Variants in CDH10 observed in about 807,000 individuals in gnomAD.
The protein encoded by CDH10 is cadherin-10.
CDH10 carries 30 observed loss-of-function variants against 73.1 expected under a neutral mutation model. That is an observed-to-expected ratio of 0.41 (90% CI 0.31 to 0.56). CDH10 has a LOEUF of 0.56. Ranked by LOEUF, CDH10 falls within the 20% of genes least tolerant of loss-of-function variation. The pLI, the probability that CDH10 is intolerant of heterozygous loss-of-function variation, is 0.27. For missense variants in CDH10, 815 were observed against 973.7 expected, an observed-to-expected ratio of 0.84 and a Z score of 2.17; for synonymous variants, 345 against 348.2, an observed-to-expected ratio of 0.99 and a Z score of 0.10.
chr5:24,628,640 T>A (rs1747590070), intron 1 of CDH10, among the ~76,000 whole-genome samples: 1 of 152,176 alleles, frequency 6.6e-6, no homozygotes, highest in Non-Finnish European at 1.5e-5. Context: ...GTGAAATTTT[T>A]AAATAATACC....
intron 2 of CDH10, among the ~76,000 whole-genome samples, chr5:24,569,381 T>C (rs1180516753): frequency 6.6e-6 from 1 of 152,120 alleles, no homozygotes; most frequent in Admixed American, 6.5e-5. Context: ...GTACATATTA[T>C]GCTGTGGTTG....
At chr5:24,514,828 A>T (rs115118059) in intron 5 of CDH10, among the ~76,000 whole-genome samples, 1 of 152,038 alleles carries the variant, frequency 6.6e-6, no homozygotes, top group African/African-American at 2.4e-5. Context: ...AATTTTAAAT[A>T]TAAGGAATAT....
At chr5:24,548,788 C>T (rs1176739597) in intron 2 of CDH10, among the ~76,000 whole-genome samples, 2 of 151,962 alleles carry the variant, frequency 1.3e-5, no homozygotes, top group Admixed American at 6.6e-5. Context: ...GTTCTTTATA[C>T]ATATTGTTTG....
intron 5 of CDH10, among the ~76,000 whole-genome samples, chr5:24,518,401 G>A (rs537371909): frequency 2.3e-4 from 34 of 149,838 alleles, no homozygotes; most frequent in Admixed American, 4.7e-4. Context: ...ATATATGCAC[G>A]TATACACATA....
intron 1 of CDH10, among the ~76,000 whole-genome samples, chr5:24,635,364 C>A (rs1347437883): frequency 6.6e-6 from 1 of 152,008 alleles, no homozygotes; most frequent in East Asian, 1.9e-4. Flanking sequence ...AGAAATGGCT[C>A]ATGTTTCACC....
intron 11 of CDH10, 69 bp downstream of exon 11, chr5:24,491,507 T>C (rs1173941950): frequency 1.4e-6 from 2 of 1,407,134 alleles, no homozygotes; most frequent in African/African-American, 1.4e-5. Flanking sequence ...GGGATTTTAA[T>C]AGCCACAATT....
At chr5:24,541,037 G>A (rs892281399) in intron 2 of CDH10, among the ~76,000 whole-genome samples, 1 of 151,892 alleles carries the variant, frequency 6.6e-6, no homozygotes, top group African/African-American at 2.4e-5. Context: ...GTCAAGATCT[G>A]TTCTTCCTGT....
At chr5:24,626,882 ATATATGTG>A (rs1424904082) in intron 1 of CDH10, among the ~76,000 whole-genome samples, 3 of 34,572 alleles carry the variant, frequency 8.7e-5, no homozygotes, top group South Asian at 2.4e-3. Flanking sequence ...ATAAGTGTAT[ATATATGTG>A]TATATATGTG....
intron 2 of CDH10, among the ~76,000 whole-genome samples, chr5:24,540,820 A>G (rs1402021038): frequency 6.6e-6 from 1 of 151,950 alleles, no homozygotes; most frequent in African/African-American, 2.4e-5. Flanking sequence ...TGAGGGCATG[A>G]CATTAGCCTA....
intron 5 of CDH10, among the ~76,000 whole-genome samples, chr5:24,512,604 T>A (rs1000284287): frequency 1.6e-4 from 25 of 152,132 alleles, no homozygotes; most frequent in African/African-American, 5.8e-4. Flanking sequence ...GTGAAAACAC[T>A]CAATACTGAC....
At chr5:24,603,336 C>T (rs765678809) in intron 1 of CDH10, among the ~76,000 whole-genome samples, 21 of 152,144 alleles carry the variant, frequency 1.4e-4, no homozygotes, top group Non-Finnish European at 2.2e-4. Context: ...ATGTATGTAT[C>T]ATTACTCTGA....
Position 24,518,400 on chromosome 5 carries a change from CG to C in CDH10, c.815-6887del, listed in dbSNP as rs200067796. Among the ~76,000 whole-genome samples the C allele has an allele frequency of 6.4e-3, 976 of 151,878 alleles. 8 individuals carry two copies. The highest frequency in any genetic ancestry group is 0.01 in the Middle Eastern group (3 of 290). On this transcript the variant is annotated intron_variant, in intron 5 of 11. Coordinates refer to ENST00000264463, the MANE Select transcript of CDH10 (RefSeq NM_006727.5). ...ATATACACACACACATATATATGCA[CG>C]TATACACATATTCACATATGTATAT...
intron 2 of CDH10, among the ~76,000 whole-genome samples, chr5:24,564,358 T>G (rs1187075682): frequency 6.6e-6 from 1 of 152,132 alleles, no homozygotes; most frequent in African/African-American, 2.4e-5. Flanking sequence ...ACATTACTGG[T>G]GGTGGCATTC....
chr5:24,498,069 T>C (rs1256214239), intron 9 of CDH10, among the ~76,000 whole-genome samples: 4 of 152,216 alleles, frequency 2.6e-5, no homozygotes, highest in African/African-American at 9.6e-5. Context: ...CCAGTATTTA[T>C]TTAATGACAC....
intron 5 of CDH10, among the ~76,000 whole-genome samples, chr5:24,515,765 A>G (rs1743086463): frequency 6.6e-6 from 1 of 152,042 alleles, no homozygotes. Context: ...CTCATCTTGA[A>G]TTGTAGCTCC....
At chr5:24,545,886 G>A (rs1744320140) in intron 2 of CDH10, among the ~76,000 whole-genome samples, 1 of 152,058 alleles carries the variant, frequency 6.6e-6, no homozygotes, top group Admixed American at 6.6e-5. Context: ...AAATTCAAAG[G>A]GTGGTATTTT....
intron 2 of CDH10, among the ~76,000 whole-genome samples, chr5:24,589,197 G>A (rs1746121599): frequency 6.6e-6 from 1 of 152,114 alleles, no homozygotes; most frequent in African/African-American, 2.4e-5. Context: ...GGTGTTTGGA[G>A]CCGACAAGTC....
intron 2 of CDH10, among the ~76,000 whole-genome samples, chr5:24,538,236 T>C (rs933420438): frequency 1.5e-4 from 23 of 152,264 alleles, no homozygotes; most frequent in African/African-American, 5.5e-4. Context: ...CCACAAATAT[T>C]TGTAGTACTC....
chr5:24,599,430 C>A, intron 1 of CDH10, among the ~76,000 whole-genome samples: 1 of 152,110 alleles, frequency 6.6e-6, no homozygotes. Flanking sequence ...AAAAGAGCCA[C>A]AGCTTGGAGA....
Sources: gnomAD v4.1 joint callset for allele counts (sites outside exome capture counted in the v4.1 genomes callset) on GRCh38, gnomAD v4.1.1 for gene constraint, MANE v1.5 for transcripts, NCBI Gene and HGNC (gene_info 2026-07-23, HGNC 2026-07-21) for gene names.